The following SPEF2 variants were observed in gnomAD, a reference collection of about 807,000 sequenced individuals.
SPEF2 encodes the protein sperm flagella and cilia-associated protein 2.
Under a neutral mutation model 224.6 loss-of-function variants are expected in SPEF2, and 187 were observed. The observed-to-expected ratio is 0.83, with a 90% CI of 0.74 to 0.94. The LOEUF is 0.94. SPEF2 is among the 40% of genes least tolerant of loss of function. The pLI, the probability that SPEF2 is intolerant of heterozygous loss-of-function variation, is 0.00. For synonymous variants in SPEF2, 715 were observed against 707.3 expected, an observed-to-expected ratio of 1.01 and a Z score of -0.17; for missense variants, 2,170 against 2,135.6, an observed-to-expected ratio of 1.02 and a Z score of -0.32.
intron 31 of SPEF2, 111 bp downstream of exon 31, chr5:35,792,557 A>G (rs1049709519): frequency 9.1e-6 from 7 of 770,794 alleles, no homozygotes; most frequent in Non-Finnish European, 1.5e-5. Context: ...TTTAGTAGGC[A>G]ATCAATGAAA....
intron 33 of SPEF2, among the ~76,000 whole-genome samples, chr5:35,798,162 T>C (rs1009573585): frequency 1.3e-5 from 2 of 152,192 alleles, no homozygotes; most frequent in African/African-American, 4.8e-5. Flanking sequence ...TCCCTGATTA[T>C]GCTTTGTCTT....
At chr5:35,620,259 A>G (rs1414966344) in intron 1 of SPEF2, among the ~76,000 whole-genome samples, 1 of 152,202 alleles carries the variant, frequency 6.6e-6, no homozygotes, top group African/African-American at 2.4e-5. Flanking sequence ...GGTTTGTAGA[A>G]TCTATCATGG....
chr5:35,807,957 T>A lies in SPEF2; in HGVS notation c.5379+704T>A, dbSNP rs1258928911. The A allele has an allele frequency of 2.2e-6, 3 of 1,378,730 alleles. No homozygotes were observed. In the African/African-American group the frequency reaches 4.4e-5, roughly 20 times the overall value. The allele number at this position is 1,378,730 out of a possible 1,614,324, so 85.4% of individuals were successfully genotyped here. A position where few individuals can be genotyped will look rare whatever the true frequency, so the allele number is the denominator to read the frequency against. ...TCTCAGATACCAGTTTAACACGAAG[T>A]CTCCCTGTTTGACTCCTGTGAGTTG... On this transcript the variant is annotated intron_variant, in intron 36 of 36. Coordinates refer to ENST00000356031, the MANE Select transcript of SPEF2 (RefSeq NM_024867.4).
At chr5:35,719,017 G>T (rs1263292352) in intron 20 of SPEF2, among the ~76,000 whole-genome samples, 1 of 152,226 alleles carries the variant, frequency 6.6e-6, no homozygotes. Flanking sequence ...AGATTTGGGT[G>T]CATGATGCTT....
At chr5:35,634,145 T>C (rs1316981907) in intron 2 of SPEF2, among the ~76,000 whole-genome samples, 2 of 152,150 alleles carry the variant, frequency 1.3e-5, no homozygotes, top group African/African-American at 4.8e-5. Flanking sequence ...TTTGAGTTAC[T>C]GTATATTGTC....
At position 35,659,186 on chromosome 5, in the gene SPEF2, G is replaced by T; in HGVS notation, c.1146G>T (p.Gln382His). The change falls in exon 8 of 37, where the codon CAG becomes CAT. Residue 382 changes from glutamine (Q) to histidine (H), a missense_variant. Transcript: ENST00000356031. ...AGGAAAGACGACTTAAAGATTTCCA[G>T]GATGCTCTTGATCGAGAAGCGGTAA... ...QHEERRLKDF[Q>H]DALDREAALA... The T allele has an allele frequency of 3.1e-6, 5 of 1,610,150 alleles. No individual in the cohort carries two copies. The highest frequency in any genetic ancestry group is 3.4e-6 in the Non-Finnish European group (4 of 1,177,834).
intron 27 of SPEF2, among the ~76,000 whole-genome samples, chr5:35,773,267 C>T (rs549011924): frequency 6.6e-6 from 1 of 152,210 alleles, no homozygotes; most frequent in South Asian, 2.1e-4. Context: ...GTAGTCCCAG[C>T]TACTAGGGAG....
rs1740312289 is a variant in SPEF2 at position 35,708,569 on chromosome 5, A to ACACCACCACCATCCCCATAACTAT, written c.2666-366_2666-365insCCCATAACTATCACCACCACCATC. Reference sequence around the variant, plus strand: ...CACCACTCCTACCATCACCACTACCACACCACCACCATCACTACCACCATC... The same window carrying ACACCACCACCATCCCCATAACTAT: ...CACCACTCCTACCATCACCACTACCACACCACCACCATCCCCATAACTATCACCACCACCATCACTACCACCATC... On this transcript the variant is annotated intron_variant, in intron 18 of 36. Coordinates refer to ENST00000356031, the MANE Select transcript of SPEF2 (RefSeq NM_024867.4). Among the ~76,000 whole-genome samples, 2 of 91,580 alleles carry ACACCACCACCATCCCCATAACTAT rather than the reference A, an allele frequency of 2.2e-5. 1 individual carries two copies. The highest frequency in any genetic ancestry group is 4.7e-5 in the Non-Finnish European group (2 of 42,326). 60.1% of individuals were successfully genotyped at this position (91,580 alleles called of 152,430 possible). A position where few individuals can be genotyped will look rare whatever the true frequency, so the allele number is the denominator to read the frequency against.
At chr5:35,783,208 C>T (rs1484497494) in intron 30 of SPEF2, among the ~76,000 whole-genome samples, 1 of 152,188 alleles carries the variant, frequency 6.6e-6, no homozygotes, top group African/African-American at 2.4e-5. Flanking sequence ...CCTTTGCTAA[C>T]ATTTTCATAT....
At chr5:35,811,794 G>A (rs1758552272) in intron 36 of SPEF2, among the ~76,000 whole-genome samples, 1 of 121,190 alleles carries the variant, frequency 8.3e-6, no homozygotes, top group Non-Finnish European at 1.6e-5. Context: ...TTTTGAGACA[G>A]AGTCTCGCTC....
chr5:35,763,504 C>T lies in SPEF2; in HGVS notation c.3621-18C>T, dbSNP rs765843114. 1.1e-4 allele frequency: 163 copies of T among 1,526,742 alleles called. No homozygotes were observed. The highest frequency in any genetic ancestry group is 1.4e-4 in the Non-Finnish European group (157 of 1,140,830). The allele number at this position is 1,526,742 out of a possible 1,614,324, so 94.6% of individuals were successfully genotyped here. A position where few individuals can be genotyped will look rare whatever the true frequency, so the allele number is the denominator to read the frequency against. On this transcript the variant is annotated intron_variant, in intron 25 of 36. Transcript: ENST00000356031. ...TAAGCAAAATTTTTTATCCTTTTTGCTTGTTTGTTTCTCAAAGAATTCCTC... is the reference window on the plus strand; with the variant it reads ...TAAGCAAAATTTTTTATCCTTTTTGTTTGTTTGTTTCTCAAAGAATTCCTC...
At chr5:35,747,918 T>C (rs983426054) in intron 23 of SPEF2, among the ~76,000 whole-genome samples, 4 of 152,158 alleles carry the variant, frequency 2.6e-5, no homozygotes, top group African/African-American at 9.7e-5. Flanking sequence ...TTCTCCAAGA[T>C]AGACCATATG....
intron 19 of SPEF2, 26 bp from the exon 20 acceptor site, chr5:35,712,786 A>C: frequency 6.2e-7 from 1 of 1,610,782 alleles, no homozygotes; most frequent in African/African-American, 1.3e-5. Context: ...ATCATCAATG[A>C]TTTTTGTGTG....
Position 35,670,079 on chromosome 5 carries a change from T to C in SPEF2, c.1376T>C (p.Met459Thr), listed in dbSNP as rs928750722. ...GATAGTCTGATTCCGTATAAGTTGATGCATGATTGGAAGGAACTATTTTTT... is the reference window on the plus strand; with the variant it reads ...GATAGTCTGATTCCGTATAAGTTGACGCATGATTGGAAGGAACTATTTTTT... ...LTNNLIPYKL[M>T]HDWKELFFNA... Residue 459 changes from methionine (M) to threonine (T), a missense_variant, in exon 10 of 37, where the codon ATG (methionine) becomes ACG (threonine). Transcript: ENST00000356031. 3 of 1,607,368 alleles carry C rather than the reference T, an allele frequency of 1.9e-6. No homozygotes were observed. The highest frequency in any genetic ancestry group is 1.3e-5 in the African/African-American group (1 of 74,732).
chr5:35,711,019 G>A (rs541409060), intron 19 of SPEF2, among the ~76,000 whole-genome samples: 1 of 152,292 alleles, frequency 6.6e-6, no homozygotes, highest in African/African-American at 2.4e-5. Context: ...GCAGCTCAGG[G>A]AAGCTTGGTT....
At chr5:35,703,233 C>A (rs1278040961) in intron 16 of SPEF2, among the ~76,000 whole-genome samples, 1 of 151,316 alleles carries the variant, frequency 6.6e-6, no homozygotes, top group Non-Finnish European at 1.5e-5. Flanking sequence ...TTCAAAGATG[C>A]CTACCAGCAA....
intron 24 of SPEF2, among the ~76,000 whole-genome samples, chr5:35,755,555 A>G (rs1750310159): frequency 6.6e-6 from 1 of 152,174 alleles, no homozygotes; most frequent in Non-Finnish European, 1.5e-5. Context: ...AAAATCTAAC[A>G]TTTACTAAGT....
chr5:35,763,841 G>A, intron 26 of SPEF2, 139 bp downstream of exon 26: 1 of 720,186 alleles, frequency 1.4e-6, no homozygotes, highest in Non-Finnish European at 2.1e-6. Context: ...TTTTTTTTCT[G>A]AAAGAAATAG....
intron 30 of SPEF2, chr5:35,788,106 A>G: frequency 1.4e-6 from 1 of 702,996 alleles, no homozygotes; most frequent in Non-Finnish European, 2.6e-6. Context: ...TTTAGGACTG[A>G]ATTTCTCAAT....
Sources: allele counts gnomAD v4.1 joint callset (sites outside exome capture counted in the v4.1 genomes callset), GRCh38; gene constraint gnomAD v4.1.1; transcripts MANE v1.5; gene names NCBI Gene and HGNC (gene_info 2026-07-23, HGNC 2026-07-21).